The following SUSD1 variants were observed in gnomAD, a reference collection of about 807,000 sequenced individuals.
The protein encoded by SUSD1 is sushi domain-containing protein 1.
In SUSD1, 65 loss-of-function variants were observed where a neutral mutation model predicts 86.9. The ratio of observed to expected loss-of-function variants is 0.75; its 90% confidence interval spans 0.61 to 0.92. The LOEUF is 0.92. Among genes scored for constraint, SUSD1 ranks in the 40% least tolerant of loss-of-function variants. The pLI is 0.00. For synonymous variants in SUSD1, 346 were observed against 350.0 expected, an observed-to-expected ratio of 0.99 and a Z score of 0.13; for missense variants, 850 against 929.7, an observed-to-expected ratio of 0.91 and a Z score of 1.11.
intron 13 of SUSD1, among the ~76,000 whole-genome samples, chr9:112,059,757 A>G (rs1042021508): frequency 4.6e-5 from 7 of 152,334 alleles, no homozygotes; most frequent in Non-Finnish European, 2.9e-5. Flanking sequence ...ACGTGTGAGA[A>G]TAAAAATGCA....
At chr9:112,070,480 T>G (rs150563934) in intron 12 of SUSD1, among the ~76,000 whole-genome samples, 1 of 152,312 alleles carries the variant, frequency 6.6e-6, no homozygotes, top group African/African-American at 2.4e-5. Flanking sequence ...TGCTCTCCTT[T>G]CCATCAACCT....
chr9:112,074,077 G>A (rs1424001595), intron 12 of SUSD1, among the ~76,000 whole-genome samples: 2 of 152,026 alleles, frequency 1.3e-5, no homozygotes, highest in East Asian at 1.9e-4. Context: ...TTAGCCAAGC[G>A]TGGTGGCACA....
At chr9:112,042,080 T>A in intron 15 of SUSD1, 120 bp from the exon 16 acceptor site, 1 of 1,547,258 alleles carries the variant, frequency 6.5e-7, no homozygotes, top group South Asian at 1.2e-5. Context: ...TAACAAAGAA[T>A]CCCAAGAATG....
rs1437452928 is a variant in SUSD1, at chr9:112,086,562, G to GAAAGAAAGAAAGAAAGAA, written c.1475-6398_1475-6397insTTCTTTCTTTCTTTCTTT. ...AAAAAGAAAGAAAGAAAGAAAGAAA[G>GAAAGAAAGAAAGAAAGAA]AGAGAGAGAGAGAGAGAGAGAGATC... is the stretch of plus-strand genomic sequence containing the variant. On this transcript the variant is annotated intron_variant, in intron 10 of 16. Transcript: ENST00000374270. 7.3e-3 allele frequency among the ~76,000 whole-genome samples: 958 copies of GAAAGAAAGAAAGAAAGAA among 131,038 alleles called. 42 individuals carry two copies. The highest frequency in any genetic ancestry group is 0.031 in the African/African-American group (916 of 29,272). 86.0% of individuals were successfully genotyped at this position (131,038 alleles called of 152,430 possible).
chr9:112,110,499 G>A (rs888103477), intron 8 of SUSD1, among the ~76,000 whole-genome samples: 18 of 145,428 alleles, frequency 1.2e-4, no homozygotes, highest in South Asian at 2.1e-4. Flanking sequence ...TGATCCTCTC[G>A]CCTCAGCCAC....
intron 9 of SUSD1, 27 bp downstream of exon 9, chr9:112,102,149 A>T: frequency 7.5e-7 from 1 of 1,329,194 alleles, no homozygotes; most frequent in Non-Finnish European, 1.0e-6. Flanking sequence ...ACAATTCTTT[A>T]ATGGAAAGCA....
intron 1 of SUSD1, among the ~76,000 whole-genome samples, chr9:112,166,653 G>A (rs1263604317): frequency 6.6e-6 from 1 of 152,194 alleles, no homozygotes; most frequent in Non-Finnish European, 1.5e-5. Context: ...GAATTCTCCA[G>A]GCCAGAGAAA....
At chr9:112,065,240 C>T (rs572993221) in intron 12 of SUSD1, among the ~76,000 whole-genome samples, 2 of 152,024 alleles carry the variant, frequency 1.3e-5, no homozygotes, top group South Asian at 2.1e-4. Context: ...TTAAAAACAC[C>T]GGCCAGGGAC....
intron 1 of SUSD1, among the ~76,000 whole-genome samples, chr9:112,164,062 C>T (rs1372377093): frequency 6.6e-6 from 1 of 151,782 alleles, no homozygotes; most frequent in Non-Finnish European, 1.5e-5. Context: ...ATGGCTATTT[C>T]ATGTAACTAT....
At chr9:112,071,133 T>A (rs1166576446) in intron 12 of SUSD1, among the ~76,000 whole-genome samples, 1 of 152,170 alleles carries the variant, frequency 6.6e-6, no homozygotes, top group African/African-American at 2.4e-5. Context: ...TATAGGAATG[T>A]GCCACTGTGC....
rs1833387335 is a variant in SUSD1 at position 112,157,585 on chromosome 9, T to C, written c.132A>G (p.Glu44=). 1.2e-6 allele frequency: 2 copies of C among 1,614,134 alleles called. No homozygotes were observed. Among genetic ancestry groups the C allele is most frequent in the African/African-American group, 2.7e-5 (2 of 75,062 alleles). ...CTTCTCTTTGCTGGCATGTGGCATG[T>C]TCATGGCAAGTGGCACAGACGTCTA... is the stretch of plus-strand genomic sequence containing the variant. ...DGLDVCATCH[E]HATCQQREGK... The change falls in exon 2 of 17, where the codon GAA becomes GAG. Residue 44 remains glutamate (E), a synonymous_variant. Coordinates refer to ENST00000374270, the MANE Select transcript of SUSD1 (RefSeq NM_022486.5).
At chr9:112,075,273 C>A (rs540474665) in intron 12 of SUSD1, among the ~76,000 whole-genome samples, 1 of 152,182 alleles carries the variant, frequency 6.6e-6, no homozygotes, top group Non-Finnish European at 1.5e-5. Context: ...ATACCACCCA[C>A]TGGCTGTTAT....
chr9:112,142,767 A>C (rs1832634241), intron 4 of SUSD1, among the ~76,000 whole-genome samples: 1 of 152,102 alleles, frequency 6.6e-6, no homozygotes, highest in Non-Finnish European at 1.5e-5. Flanking sequence ...CTAACTAAAG[A>C]GAAGCCTTGT....
chr9:112,109,920 T>C (rs1831017879), intron 8 of SUSD1, among the ~76,000 whole-genome samples: 1 of 152,224 alleles, frequency 6.6e-6, no homozygotes, highest in African/African-American at 2.4e-5. Context: ...AATCTCATAG[T>C]TGGTTTTATA....
intron 12 of SUSD1, among the ~76,000 whole-genome samples, chr9:112,067,698 C>T (rs988959188): frequency 2.0e-5 from 3 of 152,160 alleles, no homozygotes; most frequent in African/African-American, 7.2e-5. Flanking sequence ...CTGGACTAAA[C>T]CACCCCTCCT....
In SUSD1 at chr9:112,147,861, TTTC is replaced by T. The variant is rs571657402; in HGVS notation, c.373+1380_373+1382del. ...CTTATATGCTTTTTTTTTAGTGTCT[TTTC>T]TTCTTAATATACAAAATTTAATACT... On this transcript the variant is annotated intron_variant, in intron 3 of 16. Transcript: ENST00000374270. 2.4e-4 allele frequency among the ~76,000 whole-genome samples: 36 copies of T among 150,128 alleles called. 3 individuals are homozygous for T. The East Asian group carries it at 7.0e-3, about 29-fold the overall frequency.
At chr9:112,138,244 TA>T in intron 5 of SUSD1, among the ~76,000 whole-genome samples, 1 of 98,282 alleles carries the variant, frequency 1.0e-5, no homozygotes, top group African/African-American at 5.5e-5. Context: ...TGTGTATATA[TA>T]TATATATATA....
chr9:112,096,742 G>A (rs1262178057), intron 10 of SUSD1, among the ~76,000 whole-genome samples: 1 of 152,084 alleles, frequency 6.6e-6, no homozygotes, highest in Non-Finnish European at 1.5e-5. Flanking sequence ...GTTTCACTAT[G>A]TTGCCCAGGC....
chr9:112,123,697 G>C (rs776214404), intron 6 of SUSD1, among the ~76,000 whole-genome samples: 4 of 152,086 alleles, frequency 2.6e-5, no homozygotes, highest in Admixed American at 6.5e-5. Flanking sequence ...CTACTCGGGA[G>C]GCTGAGGCAG....
Sources: allele counts gnomAD v4.1 joint callset (sites outside exome capture counted in the v4.1 genomes callset), GRCh38; gene constraint gnomAD v4.1.1; transcripts MANE v1.5; gene names NCBI Gene and HGNC (gene_info 2026-07-23, HGNC 2026-07-21).